Variants in RTN3 observed in about 807,000 individuals in gnomAD.
RTN3 encodes reticulon-3.
RTN3 carries 49 observed loss-of-function variants against 77.8 expected under a neutral mutation model. The observed-to-expected ratio is 0.63, with a 90% CI of 0.50 to 0.80. The LOEUF is 0.80. Ranked by LOEUF, RTN3 falls within the 30% of genes least tolerant of loss-of-function variation. The pLI is 0.00. For synonymous variants in RTN3, 464 were observed against 446.9 expected (o/e 1.04, Z -0.48); for missense variants, 1,236 against 1,211.9 (o/e 1.02, Z -0.29).
Position 63,718,700 on chromosome 11 carries a change from A to G in RTN3, c.200-2A>G. 1 of 1,558,922 alleles carries G rather than the reference A, an allele frequency of 6.4e-7. No homozygotes were observed. The highest frequency in any genetic ancestry group is 8.6e-7 in the Non-Finnish European group (1 of 1,158,516). On this transcript the variant is annotated splice_acceptor_variant, in intron 2 of 8. Transcript: ENST00000377819. LOFTEE classifies it high-confidence loss of function. The stretch of plus-strand genomic sequence containing the variant: ...TTTTTTTCTTTGAAATTCTGATCAT[A>G]GAGGGATTGAGCTCTCTTTGCTCTG...
intron 1 of RTN3, among the ~76,000 whole-genome samples, chr11:63,690,083 T>G (rs1941576614): frequency 6.6e-6 from 1 of 152,156 alleles, no homozygotes; most frequent in Non-Finnish European, 1.5e-5. Context: ...CTTACCTGTT[T>G]TCTCCAATCA....
chr11:63,702,367 T>A (rs1234680660), intron 1 of RTN3, among the ~76,000 whole-genome samples: 1 of 151,624 alleles, frequency 6.6e-6, no homozygotes, highest in Non-Finnish European at 1.5e-5. Context: ...CAGGCTGGAG[T>A]GCAATGGCGT....
intron 2 of RTN3, 80 bp from the exon 3 acceptor site, chr11:63,718,619 TAAA>T (rs769177251): frequency 9.7e-5 from 94 of 966,452 alleles, no homozygotes; most frequent in Admixed American, 1.3e-4. Flanking sequence ...ATTTAAAAAA[TAAA>T]AAGCATGCTG....
At chr11:63,692,480 C>T (rs1442840119) in intron 1 of RTN3, among the ~76,000 whole-genome samples, 2 of 151,360 alleles carry the variant, frequency 1.3e-5, no homozygotes, top group Non-Finnish European at 2.9e-5. Context: ...ACCCCCTGGC[C>T]GGGCGCGGTG....
intron 2 of RTN3, among the ~76,000 whole-genome samples, chr11:63,711,586 G>A (rs577028734): frequency 4.6e-5 from 7 of 151,462 alleles, no homozygotes; most frequent in South Asian, 4.2e-4. Context: ...TTTTTGAGAC[G>A]GAGTTTTCGT....
intron 4 of RTN3, among the ~76,000 whole-genome samples, chr11:63,751,467 TTAAC>T (rs1408092351): frequency 1.3e-5 from 2 of 152,364 alleles, no homozygotes; most frequent in African/African-American, 2.4e-5. Flanking sequence ...TGCTGTAACT[TTAAC>T]TAATGTTTTC....
Position 63,715,627 on chromosome 11 carries a change from C to T in RTN3, c.200-3075C>T, listed in dbSNP as rs2011347812. 1.3e-5 allele frequency among the ~76,000 whole-genome samples: 2 copies of T among 152,116 alleles called. 1 individual carries two copies. Among genetic ancestry groups the T allele is most frequent in the South Asian group, 4.1e-4 (2 of 4,830 alleles). ...GAGCCGAGATTGCACCACTGCACTC[C>T]AGCCTGGGCAACAGAACTAGACTCT... On this transcript the variant is annotated intron_variant, in intron 2 of 8. Coordinates refer to ENST00000377819, the MANE Select transcript of RTN3 (RefSeq NM_001265589.2).
At chr11:63,710,315 A>G (rs1942690468) in intron 2 of RTN3, among the ~76,000 whole-genome samples, 1 of 151,712 alleles carries the variant, frequency 6.6e-6, no homozygotes, top group African/African-American at 2.4e-5. Context: ...ACAGGCGGGC[A>G]CCACTGTGCC....
chr11:63,719,816 C>T lies in RTN3; in HGVS notation c.1314C>T (p.Gly438=). 6.2e-7 allele frequency: 1 copy of T among 1,614,138 alleles called. No homozygotes were observed. The highest frequency in any genetic ancestry group is 8.5e-7 in the Non-Finnish European group (1 of 1,180,024). ...AATTCAGTATCAAAGGTGTGCAAGG[C>T]AATATGCAGAAACAGGATGACACAC... ...TKEFSIKGVQ[G]NMQKQDDTLA... The change falls in exon 3 of 9, where the codon GGC becomes GGT. Residue 438 remains glycine, a synonymous_variant. Transcript: ENST00000377819.
chr11:63,720,819 G>C lies in RTN3; in HGVS notation c.2317G>C (p.Val773Leu). The change falls in exon 3 of 9, where the codon GTA becomes CTA. Residue 773 changes from valine (V) to leucine (L), a missense_variant. Val to Leu is a conservative substitution (Grantham distance 32, BLOSUM62 1). Coordinates refer to ENST00000377819, the MANE Select transcript of RTN3 (RefSeq NM_001265589.2). ...QRDAELPSEE[V>L]LKQTFTFAPE... ...TGACGCAGAATTGCCTTCTGAAGAA[G>C]TACTGAAGCAAACTTTCACATTTGC... The C allele has an allele frequency of 6.2e-7, 1 of 1,613,948 alleles. No homozygotes were observed. Among genetic ancestry groups the C allele is most frequent in the Non-Finnish European group, 8.5e-7 (1 of 1,180,012 alleles).
chr11:63,681,821 C>T, intron 1 of RTN3, 43 bp downstream of exon 1: 1 of 1,492,982 alleles, frequency 6.7e-7, no homozygotes, highest in Non-Finnish European at 8.9e-7. Flanking sequence ...AGAGGGCGAG[C>T]GGGAGCCTGG....
intron 3 of RTN3, among the ~76,000 whole-genome samples, chr11:63,724,408 C>T (rs2012069630): frequency 6.8e-6 from 1 of 147,926 alleles, no homozygotes; most frequent in Non-Finnish European, 1.5e-5. Context: ...TGGCCTCAAT[C>T]TCCTGACCTG....
At chr11:63,694,983 A>T (rs1941865295) in intron 1 of RTN3, among the ~76,000 whole-genome samples, 1 of 152,230 alleles carries the variant, frequency 6.6e-6, no homozygotes, top group African/African-American at 2.4e-5. Context: ...CTGCTGTCTT[A>T]GTAACTACTA....
chr11:63,731,159 CA>C (rs987517198), intron 3 of RTN3, among the ~76,000 whole-genome samples: 3 of 152,042 alleles, frequency 2.0e-5, no homozygotes, highest in African/African-American at 7.3e-5. Flanking sequence ...CAGCTCACTG[CA>C]ACCTCTGCCT....
At chr11:63,692,481 G>A (rs1183584811) in intron 1 of RTN3, among the ~76,000 whole-genome samples, 8 of 152,096 alleles carry the variant, frequency 5.3e-5, no homozygotes, top group Admixed American at 2.0e-4. Flanking sequence ...CCCCCTGGCC[G>A]GGCGCGGTGG....
chr11:63,689,100 C>T (rs749221723), intron 1 of RTN3, among the ~76,000 whole-genome samples: 24 of 152,178 alleles, frequency 1.6e-4, no homozygotes, highest in African/African-American at 5.8e-4. Flanking sequence ...ATGAATTTAG[C>T]CTCCTAAAGT....
intron 1 of RTN3, among the ~76,000 whole-genome samples, chr11:63,687,073 T>C (rs1941414604): frequency 6.6e-6 from 1 of 152,232 alleles, no homozygotes; most frequent in Admixed American, 6.5e-5. Flanking sequence ...ATTTGTGTTT[T>C]GAGTTAACCC....
intron 3 of RTN3, among the ~76,000 whole-genome samples, chr11:63,729,366 TG>T (rs1181054035): frequency 4.6e-5 from 7 of 151,858 alleles, no homozygotes; most frequent in African/African-American, 1.7e-4. Context: ...GAGGTTATGA[TG>T]TTTATTTCTT....
rs1263633737 is a variant in RTN3, at chr11:63,750,170, C to T, written c.2710C>T (p.Gln904Ter). The T allele has an allele frequency of 6.2e-7, 1 of 1,612,120 alleles. No homozygotes were observed. Among genetic ancestry groups the T allele is most frequent in the Non-Finnish European group, 8.5e-7 (1 of 1,179,056 alleles). Residue 904 changes from glutamine (Q) to a stop codon, truncating the protein, a stop_gained, in exon 4 of 9, where the codon CAG becomes TAG. Transcript: ENST00000377819. LOFTEE classifies it high-confidence loss of function. ...CTACAAGTCCGTCATCCAAGCTGTA[C>T]AGAAGTCAGAAGAAGGCCATCCATT... is the stretch of plus-strand genomic sequence containing the variant. ...RIYKSVIQAV[Q>*]KSEEGHPFKA... is the part of the protein sequence containing the mutation.
Sources: gnomAD v4.1 joint callset for allele counts (sites outside exome capture counted in the v4.1 genomes callset) on GRCh38, gnomAD v4.1.1 for gene constraint, MANE v1.5 for transcripts, NCBI Gene and HGNC (gene_info 2026-07-23, HGNC 2026-07-21) for gene names.